The following ANKHD1 variants were observed in gnomAD, a reference collection of about 807,000 sequenced individuals.
ANKHD1 encodes ankyrin repeat and KH domain-containing protein 1.
In ANKHD1, 31 loss-of-function variants were observed where a neutral mutation model predicts 230.5. The observed-to-expected ratio is 0.13, with a 90% CI of 0.10 to 0.18. The LOEUF (loss-of-function observed/expected upper bound fraction) is 0.18, where lower values mean the gene tolerates loss of function less well. Ranked by LOEUF, ANKHD1 falls within the 10% of genes least tolerant of loss-of-function variation. The probability of loss-of-function intolerance (pLI) is 1.00; values close to 1 mark genes in which losing one functional copy is unlikely to be tolerated. For synonymous variants in ANKHD1, 1,074 were observed against 1,117.6 expected (o/e 0.96, Z 0.78); for missense variants, 2,256 against 3,071.3 (o/e 0.73, Z 6.27).
At chr5:140,518,515 T>C (rs1214840956) in intron 24 of ANKHD1, among the ~76,000 whole-genome samples, 2 of 150,304 alleles carry the variant, frequency 1.3e-5, no homozygotes, top group Non-Finnish European at 3.0e-5. Context: ...ATATCCTTGA[T>C]GAACATTGAT....
chr5:140,455,577 C>T (rs1419135636), intron 7 of ANKHD1, among the ~76,000 whole-genome samples: 8 of 152,060 alleles, frequency 5.3e-5, no homozygotes, highest in East Asian at 1.9e-4. Context: ...AATCAATAAA[C>T]GTAATCCAGC....
At chr5:140,489,426 G>A (rs1364908100) in intron 14 of ANKHD1, among the ~76,000 whole-genome samples, 1 of 152,004 alleles carries the variant, frequency 6.6e-6, no homozygotes, top group Non-Finnish European at 1.5e-5. Context: ...GGAGCTCCAG[G>A]CAGCAGTGAG....
chr5:140,539,213 C>T lies in ANKHD1; in HGVS notation c.7569+130C>T, dbSNP rs1049327578. 7 of 1,516,076 alleles carry T rather than the reference C, an allele frequency of 4.6e-6. No individual in the cohort carries two copies. The African/African-American group carries it at 9.8e-5, about 21-fold the overall frequency. 93.9% of individuals were successfully genotyped at this position (1,516,076 alleles called of 1,614,324 possible). Reference sequence around the variant, plus strand: ...TCGATCTGGATTGCTTTTTCAATATCAAGATGATGCTACTGAACACTTTAT... The same window carrying T: ...TCGATCTGGATTGCTTTTTCAATATTAAGATGATGCTACTGAACACTTTAT... On this transcript the variant is annotated intron_variant, in intron 33 of 33. Transcript: ENST00000360839.
intron 10 of ANKHD1, among the ~76,000 whole-genome samples, chr5:140,477,662 A>C (rs1751042535): frequency 6.6e-6 from 1 of 152,206 alleles, no homozygotes; most frequent in Non-Finnish European, 1.5e-5. Context: ...ACCAGGCTGG[A>C]GTGCAGTGGT....
chr5:140,505,278 A>G lies in ANKHD1; in HGVS notation c.3262+45A>G, dbSNP rs150545350. 2.9e-4 allele frequency: 456 copies of G among 1,598,900 alleles called. 1 individual carries two copies. The African/African-American group carries it at 5.5e-3, about 19-fold the overall frequency. ...AAAATCCAAGTGTAGTTACATCAGA[A>G]AATAATTAACTTTTTTATTATTGAT... On this transcript the variant is annotated intron_variant, in intron 17 of 33. Coordinates refer to ENST00000360839, the MANE Select transcript of ANKHD1 (RefSeq NM_017747.3).
At chr5:140,454,571 C>T (rs1461527422) in intron 7 of ANKHD1, among the ~76,000 whole-genome samples, 1 of 152,172 alleles carries the variant, frequency 6.6e-6, no homozygotes, top group African/African-American at 2.4e-5. Context: ...CTCAAAACCG[C>T]TCAACTACAT....
At chr5:140,521,203 T>G (rs1753334342) in intron 24 of ANKHD1, among the ~76,000 whole-genome samples, 1 of 151,060 alleles carries the variant, frequency 6.6e-6, no homozygotes, top group South Asian at 2.1e-4. Context: ...ATGCTAAAAT[T>G]TTGACAGCAA....
chr5:140,409,864 A>G (rs960962546), intron 1 of ANKHD1, among the ~76,000 whole-genome samples: 19 of 152,124 alleles, frequency 1.2e-4, no homozygotes, highest in African/African-American at 4.6e-4. Flanking sequence ...AATTTTTTGT[A>G]TGTTGCACAA....
intron 1 of ANKHD1, among the ~76,000 whole-genome samples, chr5:140,409,156 A>T (rs1477645689): frequency 6.6e-6 from 1 of 152,204 alleles, no homozygotes; most frequent in African/African-American, 2.4e-5. Context: ...TATACTCTGT[A>T]TTCAAACTTA....
chr5:140,516,833 T>A (rs1753034558), intron 24 of ANKHD1, among the ~76,000 whole-genome samples: 1 of 151,070 alleles, frequency 6.6e-6, no homozygotes, highest in Non-Finnish European at 1.5e-5. Flanking sequence ...CGCTGCAAAA[T>A]CATGCCAAAA....
At chr5:140,453,005 G>A (rs2126950268) in intron 7 of ANKHD1, among the ~76,000 whole-genome samples, 1 of 152,290 alleles carries the variant, frequency 6.6e-6, no homozygotes, top group South Asian at 2.1e-4. Flanking sequence ...AGAATAACCA[G>A]TGTAGAGAAG....
chr5:140,406,237 C>CA (rs531153182), intron 1 of ANKHD1, among the ~76,000 whole-genome samples: 2,871 of 90,850 alleles, frequency 0.032, 87 homozygotes, highest in African/African-American at 0.1. Context: ...GACTCTGTCT[C>CA]AAAAAAAAAA....
rs1219357382 is a variant in ANKHD1 at position 140,449,195 on chromosome 5, TG to T, written c.1148-15del. 3 of 1,594,014 alleles carry T rather than the reference TG, an allele frequency of 1.9e-6. No homozygotes were observed. Among genetic ancestry groups the T allele is most frequent in the Non-Finnish European group, 2.6e-6 (3 of 1,169,092 alleles). On this transcript the variant is annotated splice_polypyrimidine_tract_variant and intron_variant, in intron 6 of 33. Coordinates refer to ENST00000360839, the MANE Select transcript of ANKHD1 (RefSeq NM_017747.3). ...TGATAGTGAATTCTTTTAAAATTTTTGTTCCTTTTTTCAAGGCCATTTGGAT... is the reference window on the plus strand; with the variant it reads ...TGATAGTGAATTCTTTTAAAATTTTTTTCCTTTTTTCAAGGCCATTTGGAT...
At chr5:140,491,412 G>A (rs1751802784) in intron 14 of ANKHD1, among the ~76,000 whole-genome samples, 1 of 151,608 alleles carries the variant, frequency 6.6e-6, no homozygotes, top group Non-Finnish European at 1.5e-5. Context: ...AGATCTGCCC[G>A]ACTTGGCCTC....
At chr5:140,457,606 A>T (rs930611920) in intron 7 of ANKHD1, among the ~76,000 whole-genome samples, 6 of 152,162 alleles carry the variant, frequency 3.9e-5, no homozygotes, top group Admixed American at 3.9e-4. Flanking sequence ...TCACAAGAAC[A>T]AAAAACCAGA....
At chr5:140,472,306 C>G in intron 10 of ANKHD1, 1 of 1,613,176 alleles carries the variant, frequency 6.2e-7, no homozygotes. Context: ...GTGAGGGTGG[C>G]CTTTGATGCT....
At chr5:140,520,492 C>A (rs569019401) in intron 24 of ANKHD1, among the ~76,000 whole-genome samples, 1 of 151,944 alleles carries the variant, frequency 6.6e-6, no homozygotes, top group African/African-American at 2.4e-5. Context: ...ATGTTTATTG[C>A]GGCATTATTC....
chr5:140,533,097 C>CAA (rs113564152), intron 29 of ANKHD1, among the ~76,000 whole-genome samples: 1 of 125,558 alleles, frequency 8.0e-6, no homozygotes, highest in Non-Finnish European at 1.7e-5. Context: ...ACTCTGTCTC[C>CAA]AAAAAAAAAA....
At chr5:140,419,823 TTTCTTTCTTTC>T (rs1771776099) in intron 1 of ANKHD1, among the ~76,000 whole-genome samples, 1 of 124,612 alleles carries the variant, frequency 8.0e-6, no homozygotes, top group African/African-American at 2.8e-5. Context: ...TCTTTCTTTC[TTTCTTTCTTTC>T]TTTTTCTTTC....
Sources: allele counts gnomAD v4.1 joint callset (sites outside exome capture counted in the v4.1 genomes callset), GRCh38; gene constraint gnomAD v4.1.1; transcripts MANE v1.5; gene names NCBI Gene and HGNC (gene_info 2026-07-23, HGNC 2026-07-21).